TNFSF4: variants seen among roughly 807,000 people sequenced by gnomAD.
TNFSF4 encodes TNF superfamily member 4, also known as tumor necrosis factor ligand superfamily member 4.
TNFSF4 carries 4 observed loss-of-function variants against 7.3 expected under a neutral mutation model. The ratio of observed to expected loss-of-function variants is 0.55; its 90% CI spans 0.27 to 1.25. The LOEUF is 1.25. Among genes scored for constraint, TNFSF4 ranks in the 50% most tolerant of loss-of-function variants. TNFSF4 has a pLI of 0.12. For missense variants in TNFSF4, 181 were observed against 208.8 expected (o/e 0.87, Z 0.82); for synonymous variants, 76 against 83.7 (o/e 0.91, Z 0.50).
the TNFSF4 span, among the ~76,000 whole-genome samples, chr1:173,346,151 A>T: frequency 6.6e-6 from 1 of 152,144 alleles, no homozygotes; most frequent in Non-Finnish European, 1.5e-5. Context: ...ACCACTGATG[A>T]TTCGCTCATC....
the TNFSF4 span, among the ~76,000 whole-genome samples, chr1:173,327,626 G>C: frequency 1.3e-5 from 2 of 151,552 alleles, no homozygotes; most frequent in Non-Finnish European, 3.0e-5. Flanking sequence ...CTAATATCCA[G>C]AATCTACAAT....
the TNFSF4 span, among the ~76,000 whole-genome samples, chr1:173,369,087 T>C: frequency 3.3e-5 from 5 of 152,134 alleles, no homozygotes; most frequent in Non-Finnish European, 1.5e-5. Flanking sequence ...AAAGCTAGGA[T>C]ATGGGGAGCC....
the TNFSF4 span, among the ~76,000 whole-genome samples, chr1:173,408,777 G>A: frequency 4.6e-5 from 7 of 151,814 alleles, no homozygotes; most frequent in African/African-American, 7.3e-5. Context: ...TAGTAGAGAC[G>A]GGGGGTTTCA....
chr1:173,443,653 C>A, the TNFSF4 span, among the ~76,000 whole-genome samples: 5 of 152,190 alleles, frequency 3.3e-5, no homozygotes, highest in Non-Finnish European at 4.4e-5. Flanking sequence ...CTCTCTCCCC[C>A]GTAAAGTCAC....
the TNFSF4 span, among the ~76,000 whole-genome samples, chr1:173,238,911 C>T: frequency 3.9e-5 from 6 of 152,056 alleles, no homozygotes; most frequent in Non-Finnish European, 7.4e-5. Flanking sequence ...AGCCCTAAGA[C>T]CTCAGGGGGA....
chr1:173,373,015 C>A, the TNFSF4 span, among the ~76,000 whole-genome samples: 1 of 152,184 alleles, frequency 6.6e-6, no homozygotes, highest in African/African-American at 2.4e-5. Flanking sequence ...GGGACCAGCA[C>A]CCAGTTAGCA....
the TNFSF4 span, chr1:173,174,630 A>C: frequency 6.6e-6 from 1 of 152,064 alleles, no homozygotes; most frequent in Non-Finnish European, 1.5e-5. Flanking sequence ...TCTTTATGAA[A>C]CCTCAGATCT....
At chr1:173,220,795 TA>T in the TNFSF4 span, among the ~76,000 whole-genome samples, 1 of 152,198 alleles carries the variant, frequency 6.6e-6, no homozygotes, top group African/African-American at 2.4e-5. Context: ...CTATGAAATA[TA>T]AATGTTGTTT....
the TNFSF4 span, among the ~76,000 whole-genome samples, chr1:173,216,576 A>C: frequency 1.3e-5 from 2 of 152,150 alleles, no homozygotes; most frequent in African/African-American, 4.8e-5. Context: ...TCAGAGACTG[A>C]GGGTGGATGG....
the TNFSF4 span, among the ~76,000 whole-genome samples, chr1:173,390,737 C>CTTTTTTTTTTTTTTTTTTTTTTTTTTTT: frequency 1.5e-5 from 2 of 131,602 alleles, no homozygotes; most frequent in African/African-American, 2.9e-5. Flanking sequence ...CATTCTGCTT[C>CTTTTTTTTTTTTTTTTTTTTTTTTTTTT]TTTTTTTTTT....
At position 173,207,196 on chromosome 1, in the gene TNFSF4, G is replaced by A. The variant is rs370473906; in HGVS notation, c.-20C>T. ...TTCCATCTTCACAATCTGGGTAGAGGGAAGATGAAGATATGGAAAAGGGGA... is the reference window on the plus strand; with the variant it reads ...TTCCATCTTCACAATCTGGGTAGAGAGAAGATGAAGATATGGAAAAGGGGA... On this transcript the variant is annotated 5_prime_UTR_variant, in exon 1 of 3. Transcript: ENST00000281834. 1 of 1,588,424 alleles carries A rather than the reference G, an allele frequency of 6.3e-7. No individual in the cohort carries two copies. The highest frequency in any genetic ancestry group is 1.3e-5 in the African/African-American group (1 of 74,416).
chr1:173,385,981 T>C, the TNFSF4 span, among the ~76,000 whole-genome samples: 1 of 152,182 alleles, frequency 6.6e-6, no homozygotes, highest in African/African-American at 2.4e-5. Flanking sequence ...CACCGTTTGA[T>C]AAGGATATTA....
At chr1:173,315,254 A>T in the TNFSF4 span, among the ~76,000 whole-genome samples, 2 of 152,172 alleles carry the variant, frequency 1.3e-5, no homozygotes, top group Admixed American at 6.6e-5. Flanking sequence ...CTACAGTCAC[A>T]TGCATAGAAT....
chr1:173,428,225 G>A, the TNFSF4 span, among the ~76,000 whole-genome samples: 2 of 152,164 alleles, frequency 1.3e-5, no homozygotes, highest in African/African-American at 2.4e-5. Flanking sequence ...GATTACAGGC[G>A]TGAGCCACCA....
the TNFSF4 span, among the ~76,000 whole-genome samples, chr1:173,427,870 A>T: frequency 6.6e-6 from 1 of 152,164 alleles, no homozygotes; most frequent in African/African-American, 2.4e-5. Context: ...ACATATCTAA[A>T]CATAGAAAAG....
At chr1:173,206,919 C>T in intron 1 of TNFSF4, 105 bp downstream of exon 1, 2 of 1,334,686 alleles carry the variant, frequency 1.5e-6, no homozygotes, top group Non-Finnish European at 2.0e-6. Flanking sequence ...GGAAAAAAAA[C>T]TCAACACTTT....
At chr1:173,432,686 C>T in the TNFSF4 span, among the ~76,000 whole-genome samples, 27 of 148,252 alleles carry the variant, frequency 1.8e-4, 1 homozygote, top group African/African-American at 6.2e-4. Context: ...GCAACACTGA[C>T]AAAATTCTTG....
At chr1:173,331,529 C>A in the TNFSF4 span, among the ~76,000 whole-genome samples, 1 of 152,110 alleles carries the variant, frequency 6.6e-6, no homozygotes, top group Non-Finnish European at 1.5e-5. Flanking sequence ...GAAAGTTCAT[C>A]AAAATAAAGT....
chr1:173,220,917 TAAAC>T, the TNFSF4 span, among the ~76,000 whole-genome samples: 2 of 151,706 alleles, frequency 1.3e-5, no homozygotes, highest in Admixed American at 6.6e-5. Context: ...AAAAATAAAA[TAAAC>T]AAACCCAAAA....
Sources: allele counts gnomAD v4.1 joint callset (sites outside exome capture counted in the v4.1 genomes callset), GRCh38; gene constraint gnomAD v4.1.1; transcripts MANE v1.5; gene names NCBI Gene and HGNC (gene_info 2026-07-23, HGNC 2026-07-21).